The following CCSER1 variants were observed in gnomAD, a reference collection of about 807,000 sequenced individuals.
CCSER1 encodes the protein coiled-coil serine rich protein 1.
CCSER1 carries 41 observed loss-of-function variants against 82.0 expected under a neutral mutation model. That is an observed-to-expected ratio of 0.50 (90% CI 0.39 to 0.65). The LOEUF (loss-of-function observed/expected upper bound fraction) is 0.65, where lower values mean the gene tolerates loss of function less well. CCSER1 is among the 30% of genes least tolerant of loss of function. CCSER1 has a pLI of 0.00. For missense variants in CCSER1, 1,119 were observed against 1,064.2 expected, an observed-to-expected ratio of 1.05 and a Z score of -0.72; for synonymous variants, 414 against 383.9, an observed-to-expected ratio of 1.08 and a Z score of -0.92.
intron 3 of CCSER1, among the ~76,000 whole-genome samples, chr4:90,365,974 T>A (rs1746209742): frequency 6.6e-6 from 1 of 151,642 alleles, no homozygotes; most frequent in Admixed American, 6.6e-5. Context: ...TTTTGTCTGA[T>A]TTTTTTTCGT....
At chr4:90,783,037 G>GT (rs1754025521) in intron 7 of CCSER1, among the ~76,000 whole-genome samples, 1 of 151,988 alleles carries the variant, frequency 6.6e-6, no homozygotes, top group African/African-American at 2.4e-5. Flanking sequence ...TGCCTCCCTG[G>GT]TTCAAGTAAT....
chr4:90,384,158 T>C (rs926596705), intron 3 of CCSER1, among the ~76,000 whole-genome samples: 3 of 152,088 alleles, frequency 2.0e-5, no homozygotes, highest in Admixed American at 6.5e-5. Flanking sequence ...TTTTTAATTA[T>C]ACTTTAAGTT....
chr4:90,730,251 T>C (rs189979602), intron 7 of CCSER1, among the ~76,000 whole-genome samples: 1 of 152,228 alleles, frequency 6.6e-6, no homozygotes, highest in East Asian at 1.9e-4. Context: ...GTATCCTGCA[T>C]AGACTCATTT....
At chr4:90,901,496 G>A (rs11735195) in intron 8 of CCSER1, among the ~76,000 whole-genome samples, 8,216 of 151,984 alleles carry the variant, frequency 0.054, 287 homozygotes, top group Non-Finnish European at 0.073. Flanking sequence ...AAATCTCTTA[G>A]CATTTGTTTG....
At chr4:90,668,703 T>C (rs1336048207) in intron 6 of CCSER1, among the ~76,000 whole-genome samples, 1 of 152,144 alleles carries the variant, frequency 6.6e-6, no homozygotes, top group Non-Finnish European at 1.5e-5. Flanking sequence ...TGAATTTATT[T>C]CAGATTTCAA....
intron 7 of CCSER1, among the ~76,000 whole-genome samples, chr4:90,769,426 G>A (rs1751748545): frequency 6.6e-6 from 1 of 152,146 alleles, no homozygotes; most frequent in East Asian, 1.9e-4. Context: ...ATGACTCAGA[G>A]GGCAGAACCA....
intron 4 of CCSER1, among the ~76,000 whole-genome samples, chr4:90,421,801 T>A (rs1375956383): frequency 6.6e-6 from 1 of 151,718 alleles, no homozygotes; most frequent in Non-Finnish European, 1.5e-5. Flanking sequence ...CTCTTAGGGG[T>A]TGAACTCTCT....
At chr4:90,513,625 G>A (rs551470705) in intron 5 of CCSER1, among the ~76,000 whole-genome samples, 4 of 152,122 alleles carry the variant, frequency 2.6e-5, no homozygotes, top group African/African-American at 7.2e-5. Context: ...GCTGCACAAT[G>A]GATCTTTGCT....
intron 10 of CCSER1, among the ~76,000 whole-genome samples, chr4:91,353,605 C>A (rs143319813): frequency 1.3e-5 from 2 of 152,138 alleles, no homozygotes; most frequent in Non-Finnish European, 2.9e-5. Context: ...TCCTTTCCCC[C>A]CTTTGAGACT....
chr4:90,953,197 GTGAT>G (rs1733096471), intron 9 of CCSER1, among the ~76,000 whole-genome samples: 1 of 151,892 alleles, frequency 6.6e-6, no homozygotes, highest in African/African-American at 2.4e-5. Flanking sequence ...AAAACAAAAA[GTGAT>G]TGGCATATTA....
At chr4:90,702,425 A>G (rs1301584284) in intron 6 of CCSER1, among the ~76,000 whole-genome samples, 1 of 152,128 alleles carries the variant, frequency 6.6e-6, no homozygotes, top group Non-Finnish European at 1.5e-5. Flanking sequence ...ATATTGGTCT[A>G]AAATTCTCTT....
chr4:90,906,999 A>G (rs1189953844), intron 8 of CCSER1, among the ~76,000 whole-genome samples: 1 of 152,182 alleles, frequency 6.6e-6, no homozygotes, highest in Non-Finnish European at 1.5e-5. Flanking sequence ...GAAAATTCAG[A>G]CAAATTGAAC....
At chr4:90,849,672 C>T (rs1284749133) in intron 8 of CCSER1, among the ~76,000 whole-genome samples, 1 of 151,646 alleles carries the variant, frequency 6.6e-6, no homozygotes, top group East Asian at 1.9e-4. Context: ...GCCTGTAGTC[C>T]CAGCTACTTG....
intron 7 of CCSER1, among the ~76,000 whole-genome samples, chr4:90,795,362 T>C (rs1755850427): frequency 6.6e-6 from 1 of 152,136 alleles, no homozygotes; most frequent in Middle Eastern, 3.5e-3. Context: ...GAGACTTTGC[T>C]GAAGTTGTTT....
chr4:91,022,922 A>G (rs1040769378), intron 9 of CCSER1, among the ~76,000 whole-genome samples: 1 of 152,134 alleles, frequency 6.6e-6, no homozygotes, highest in Non-Finnish European at 1.5e-5. Flanking sequence ...CCTTTGTCAG[A>G]TGAGTAGATT....
chr4:90,660,839 T>G (rs921672856), intron 6 of CCSER1, among the ~76,000 whole-genome samples: 2 of 152,204 alleles, frequency 1.3e-5, no homozygotes, highest in Non-Finnish European at 2.9e-5. Flanking sequence ...ATATATTTGA[T>G]GGATTTCGCA....
In CCSER1 at chr4:91,198,543, T is replaced by C. The variant is rs574084041; in HGVS notation, c.2217+112549T>C. Among the ~76,000 whole-genome samples the C allele has an allele frequency of 3.3e-5, 5 of 152,280 alleles. 1 individual carries two copies. The highest frequency in any genetic ancestry group is 1.2e-4 in the African/African-American group (5 of 41,570). ...TCAATGAAAATGAGGGAAGAGGCTATTTCTTAGAAACTTAGGAAAGAGTAG... is the reference window on the plus strand; with the variant it reads ...TCAATGAAAATGAGGGAAGAGGCTACTTCTTAGAAACTTAGGAAAGAGTAG... On this transcript the variant is annotated intron_variant, in intron 10 of 10. Coordinates refer to ENST00000509176, the MANE Select transcript of CCSER1 (RefSeq NM_001145065.2).
chr4:90,475,338 C>T (rs374442742), intron 5 of CCSER1, among the ~76,000 whole-genome samples: 1 of 152,134 alleles, frequency 6.6e-6, no homozygotes, highest in Non-Finnish European at 1.5e-5. Context: ...AAAGAAACGG[C>T]TAGTGTTTCA....
At chr4:90,851,474 G>A (rs1190643466) in intron 8 of CCSER1, among the ~76,000 whole-genome samples, 1 of 144,422 alleles carries the variant, frequency 6.9e-6, no homozygotes, top group East Asian at 2.3e-4. Context: ...GGTGGGGGGG[G>A]CGCTGTCCAG....
Sources: gnomAD v4.1 joint callset for allele counts (sites outside exome capture counted in the v4.1 genomes callset) on GRCh38, gnomAD v4.1.1 for gene constraint, MANE v1.5 for transcripts, NCBI Gene and HGNC (gene_info 2026-07-23, HGNC 2026-07-21) for gene names.